The following STK3 variants were observed in gnomAD, a reference collection of about 807,000 sequenced individuals.
STK3 encodes serine/threonine-protein kinase 3.
In STK3, 41 loss-of-function variants were observed where a neutral mutation model predicts 58.0. That is an observed-to-expected ratio of 0.71 (90% CI 0.55 to 0.92). The LOEUF is 0.92. STK3 is among the 40% of genes least tolerant of loss of function. The pLI is 0.00. For synonymous variants in STK3, 170 were observed against 191.0 expected, an observed-to-expected ratio of 0.89 and a Z score of 0.91; for missense variants, 479 against 602.7, an observed-to-expected ratio of 0.79 and a Z score of 2.15.
intron 10 of STK3, among the ~76,000 whole-genome samples, chr8:98,469,643 C>CT (rs1820768427): frequency 6.6e-6 from 1 of 152,174 alleles, no homozygotes; most frequent in African/African-American, 2.4e-5. Context: ...AGAATTTCAG[C>CT]TCTGGTTTGA....
intron 1 of STK3, among the ~76,000 whole-genome samples, chr8:98,805,351 G>A (rs980927482): frequency 2.6e-5 from 4 of 152,010 alleles, no homozygotes; most frequent in Admixed American, 1.3e-4. Context: ...AGGCCGAGGC[G>A]GGCAGATCAC....
chr8:98,912,406 G>GAAA (rs57138062), intron 1 of STK3, among the ~76,000 whole-genome samples: 98 of 143,928 alleles, frequency 6.8e-4, no homozygotes, highest in African/African-American at 2.4e-3. Flanking sequence ...AATAACAAAC[G>GAAA]AAAAAAAAAA....
At chr8:98,392,895 T>C (rs1469134309), upstream of STK3, among the ~76,000 whole-genome samples, 1 of 152,202 alleles carries the variant, frequency 6.6e-6, no homozygotes, top group African/African-American at 2.4e-5. Context: ...CCCTTGCCTG[T>C]TATTCAGCTG....
Position 98,579,564 on chromosome 8 carries a change from C to G in STK3, c.948+100G>C, listed in dbSNP as rs560370323. 128 of 1,380,632 alleles carry G rather than the reference C, an allele frequency of 9.3e-5. 3 individuals are homozygous for G. In the Middle Eastern group the frequency reaches 1.3e-3, roughly 14 times the overall value. 85.5% of individuals were successfully genotyped at this position (1,380,632 alleles called of 1,614,324 possible). A position where few individuals can be genotyped will look rare whatever the true frequency, so the allele number is the denominator to read the frequency against. On this transcript the variant is annotated intron_variant, in intron 8 of 10. Coordinates refer to ENST00000419617, the MANE Select transcript of STK3 (RefSeq NM_006281.4). ...AGATTCAATGAAAAAACATATCTTACTTGTATAGTAAAACAGTAAGTGCTT... is the reference window on the plus strand; with the variant it reads ...AGATTCAATGAAAAAACATATCTTAGTTGTATAGTAAAACAGTAAGTGCTT...
At chr8:98,653,759 T>C (rs1184351388) in intron 6 of STK3, among the ~76,000 whole-genome samples, 3 of 152,218 alleles carry the variant, frequency 2.0e-5, no homozygotes, top group South Asian at 2.1e-4. Context: ...CCTCGACACA[T>C]ACACCCTCCC....
chr8:98,813,893 T>C (rs892390201), intron 1 of STK3, among the ~76,000 whole-genome samples: 13 of 152,336 alleles, frequency 8.5e-5, no homozygotes, highest in African/African-American at 3.1e-4. Flanking sequence ...GAAAATTCCC[T>C]AACATATTCA....
At chr8:98,660,951 G>A (rs1821922913) in intron 6 of STK3, among the ~76,000 whole-genome samples, 2 of 150,980 alleles carry the variant, frequency 1.3e-5, no homozygotes, top group African/African-American at 4.9e-5. Context: ...GACCTGCCCT[G>A]CAAAAAACAA....
intron 3 of STK3, among the ~76,000 whole-genome samples, chr8:98,402,830 T>C (rs1817957093): frequency 6.6e-6 from 1 of 152,190 alleles, no homozygotes; most frequent in East Asian, 1.9e-4. Context: ...CCTTTACTGA[T>C]GAGCACATGT....
intron 10 of STK3, among the ~76,000 whole-genome samples, chr8:98,495,701 T>C (rs975270521): frequency 9.9e-5 from 15 of 152,214 alleles, no homozygotes; most frequent in African/African-American, 3.1e-4. Flanking sequence ...AGACATGCAA[T>C]AGCAATTTTC....
chr8:98,492,283 CTTAAA>C (rs1485500524), intron 10 of STK3, among the ~76,000 whole-genome samples: 5 of 152,160 alleles, frequency 3.3e-5, no homozygotes, highest in Admixed American at 3.3e-4. Context: ...AATATGATAT[CTTAAA>C]TTAAGTTGCA....
intron 6 of STK3, among the ~76,000 whole-genome samples, chr8:98,617,221 A>T (rs1432019074): frequency 6.6e-6 from 1 of 150,890 alleles, no homozygotes; most frequent in African/African-American, 2.4e-5. Flanking sequence ...TACTGGGTAC[A>T]TAACGAAATG....
intron 3 of STK3, among the ~76,000 whole-genome samples, chr8:98,424,413 G>T (rs1304527605): frequency 6.6e-6 from 1 of 152,184 alleles, no homozygotes; most frequent in Non-Finnish European, 1.5e-5. Flanking sequence ...GGGGACAAGG[G>T]GGAGGGAGAG....
chr8:98,696,465 C>A (rs1196966860), intron 6 of STK3, among the ~76,000 whole-genome samples: 1 of 151,566 alleles, frequency 6.6e-6, no homozygotes, highest in African/African-American at 2.4e-5. Context: ...CCAGTTTTTG[C>A]CCATTCAGTA....
At chr8:98,855,189 G>A (rs890063719) in intron 3 of STK3, among the ~76,000 whole-genome samples, 3 of 152,140 alleles carry the variant, frequency 2.0e-5, no homozygotes, top group African/African-American at 4.8e-5. Context: ...AATTCATATA[G>A]AGTTCAAGGG....
At chr8:98,693,640 A>T (rs1824591499) in intron 6 of STK3, among the ~76,000 whole-genome samples, 1 of 152,192 alleles carries the variant, frequency 6.6e-6, no homozygotes, top group African/African-American at 2.4e-5. Context: ...TATGCCATTC[A>T]CCACTGTGTT....
chr8:98,397,262 C>G (rs762507061), downstream of STK3, among the ~76,000 whole-genome samples: 1 of 152,212 alleles, frequency 6.6e-6, no homozygotes, highest in Non-Finnish European at 1.5e-5. Flanking sequence ...AGTGTGGTGG[C>G]TCATGCGTGT....
chr8:98,815,869 T>C (rs1834510165), intron 1 of STK3, among the ~76,000 whole-genome samples: 1 of 152,140 alleles, frequency 6.6e-6, no homozygotes, highest in African/African-American at 2.4e-5. Flanking sequence ...AGCAAAATGA[T>C]GTATTTAGAA....
chr8:98,762,944 CA>C (rs994633746), intron 3 of STK3, among the ~76,000 whole-genome samples: 1 of 152,184 alleles, frequency 6.6e-6, no homozygotes, highest in Non-Finnish European at 1.5e-5. Context: ...CACTAACTAG[CA>C]GTGTGATTTT....
intron 1 of STK3, among the ~76,000 whole-genome samples, chr8:98,890,956 C>T (rs1386296113): frequency 6.6e-6 from 1 of 152,168 alleles, no homozygotes; most frequent in East Asian, 1.9e-4. Context: ...TTATCAATGC[C>T]AGTAACTAAG....
Sources: gnomAD v4.1 joint callset for allele counts (sites outside exome capture counted in the v4.1 genomes callset) on GRCh38, gnomAD v4.1.1 for gene constraint, MANE v1.5 for transcripts, NCBI Gene and HGNC (gene_info 2026-07-23, HGNC 2026-07-21) for gene names.